The following ABCF2 variants were observed in gnomAD, a reference collection of about 807,000 sequenced individuals.
The protein encoded by ABCF2 is ATP binding cassette subfamily F member 2, also known as ATP-binding cassette sub-family F member 2.
In ABCF2, 37 loss-of-function variants were observed where a neutral mutation model predicts 76.9. The ratio of observed to expected loss-of-function variants is 0.48; its 90% CI spans 0.37 to 0.63. The LOEUF (loss-of-function observed/expected upper bound fraction) is 0.63, where lower values mean the gene tolerates loss of function less well. ABCF2 is among the 30% of genes least tolerant of loss of function. The probability of loss-of-function intolerance (pLI) is 0.00; values close to 1 mark genes in which losing one functional copy is unlikely to be tolerated. For missense variants in ABCF2, 524 were observed against 782.1 expected, an observed-to-expected ratio of 0.67 and a Z score of 3.94; for synonymous variants, 299 against 283.7, an observed-to-expected ratio of 1.05 and a Z score of -0.54.
intron 9 of ABCF2, 35 bp downstream of exon 9, chr7:151,218,719 C>T (rs373325837): frequency 1.9e-5 from 30 of 1,612,530 alleles, no homozygotes; most frequent in Non-Finnish European, 2.4e-5. Flanking sequence ...GCCACCCAAC[C>T]CCACCCAATC....
intron 7 of ABCF2, among the ~76,000 whole-genome samples, chr7:151,220,371 G>A (rs1321352780): frequency 4.4e-5 from 6 of 137,122 alleles, no homozygotes; most frequent in Non-Finnish European, 9.2e-5. Flanking sequence ...CCTGGCGACG[G>A]AGCAAGACTC....
rs1802051515 is a variant in ABCF2, at chr7:151,211,885, G to A, written c.*2169C>T. 1 of 985,318 alleles carries A rather than the reference G, an allele frequency of 1.0e-6. No individual in the cohort carries two copies. Among genetic ancestry groups the A allele is most frequent in the Non-Finnish European group, 1.2e-6 (1 of 829,950 alleles). 61.0% of individuals were successfully genotyped at this position (985,318 alleles called of 1,614,324 possible). A position where few individuals can be genotyped will look rare whatever the true frequency, so the allele number is the denominator to read the frequency against. On this transcript the variant is annotated 3_prime_UTR_variant, in exon 15 of 15. Coordinates refer to ENST00000287844, the MANE Select transcript of ABCF2 (RefSeq NM_007189.3). Reference sequence around the variant, plus strand: ...GTCTCAGCTGCAGTGTCTCACGGGAGGCTCCTGTCCCTGTTGCCCAGGGCA... The same window carrying A: ...GTCTCAGCTGCAGTGTCTCACGGGAAGCTCCTGTCCCTGTTGCCCAGGGCA...
intron 11 of ABCF2, among the ~76,000 whole-genome samples, chr7:151,217,566 C>T (rs753616979): frequency 2.6e-5 from 4 of 151,956 alleles, no homozygotes; most frequent in Non-Finnish European, 4.4e-5. Context: ...TTTGGGAGGC[C>T]GAGGTGGGCA....
At chr7:151,224,238 C>A in intron 3 of ABCF2, 124 bp from the exon 4 acceptor site, 1 of 889,942 alleles carries the variant, frequency 1.1e-6, no homozygotes, top group Non-Finnish European at 1.7e-6. Flanking sequence ...ACCTTTCTTC[C>A]CTTCATTCGT....
intron 6 of ABCF2, among the ~76,000 whole-genome samples, chr7:151,222,271 T>C (rs777167590): frequency 4.0e-5 from 6 of 151,588 alleles, no homozygotes; most frequent in African/African-American, 1.5e-4. Context: ...ATTTGAAATA[T>C]GGACAAAACC....
Position 151,218,779 on chromosome 7 carries a change from A to G in ABCF2, c.1112T>C (p.Leu371Pro). The G allele has an allele frequency of 6.2e-7, 1 of 1,613,380 alleles. No homozygotes were observed. The highest frequency in any genetic ancestry group is 2.2e-5 in the East Asian group (1 of 44,810). Residue 371 changes from leucine to proline, a missense_variant, in exon 9 of 15, where the codon CTG becomes CCG. Leu to Pro is a moderately conservative substitution (Grantham distance 98). Coordinates refer to ENST00000287844, the MANE Select transcript of ABCF2 (RefSeq NM_007189.3). ...KTLQKMMASG[L>P]TERVVSDKTL... is the part of the protein sequence containing the mutation. ...CTTATCGCTCACGACCCTCTCTGTC[A>G]GTCCTGATGCCATCATTTTCTGTAG...
At chr7:151,222,256 C>A (rs1472463616) in intron 6 of ABCF2, among the ~76,000 whole-genome samples, 4 of 151,546 alleles carry the variant, frequency 2.6e-5, no homozygotes, top group African/African-American at 9.7e-5. Flanking sequence ...TAATTAAGAT[C>A]TTGAATTTGA....
Position 151,211,486 on chromosome 7 carries a change from AT to A in ABCF2, c.*2567del. 1 of 974,594 alleles carries A rather than the reference AT, an allele frequency of 1.0e-6. No individual in the cohort carries two copies. The highest frequency in any genetic ancestry group is 1.1e-4 in the East Asian group (1 of 8,762). 60.4% of individuals were successfully genotyped at this position (974,594 alleles called of 1,614,324 possible). A position where few individuals can be genotyped will look rare whatever the true frequency, so the allele number is the denominator to read the frequency against. The stretch of plus-strand genomic sequence containing the variant: ...CTCAATCCAAAACAAGGCACTGCTA[AT>A]TTTAGAAATATGTATTTTGTGGACT... On this transcript the variant is annotated 3_prime_UTR_variant, in exon 15 of 15. Transcript: ENST00000287844.
chr7:151,216,518 T>C (rs1324333346), intron 11 of ABCF2, among the ~76,000 whole-genome samples: 1 of 152,204 alleles, frequency 6.6e-6, no homozygotes, highest in African/African-American at 2.4e-5. Flanking sequence ...AACTTCTAAA[T>C]AAAGATCCAA....
intron 7 of ABCF2, among the ~76,000 whole-genome samples, chr7:151,221,027 T>G (rs543914675): frequency 5.9e-5 from 9 of 152,334 alleles, no homozygotes; most frequent in African/African-American, 2.2e-4. Context: ...CTGGTCACCG[T>G]GAAAAGTCAA....
At position 151,214,769 on chromosome 7, in the gene ABCF2, C is replaced by G. The variant is rs937691420; in HGVS notation, c.1734+110G>C. On this transcript the variant is annotated intron_variant, in intron 14 of 14. Coordinates refer to ENST00000287844, the MANE Select transcript of ABCF2 (RefSeq NM_007189.3). The surrounding 1 kb of genome is among the most constrained non-coding windows in gnomAD (Gnocchi z 4.9). The stretch of plus-strand genomic sequence containing the variant: ...CACCACCTGTGTCTACACTCTGAGC[C>G]CCTTCTCTTAATTCAGTAGGCGGGT... The G allele has an allele frequency of 9.6e-7, 1 of 1,040,670 alleles. No individual in the cohort carries two copies. Among genetic ancestry groups the G allele is most frequent in the African/African-American group, 1.6e-5 (1 of 63,868 alleles). 64.5% of individuals were successfully genotyped at this position (1,040,670 alleles called of 1,614,324 possible).
At chr7:151,226,633 T>C in intron 1 of ABCF2, 133 bp from the exon 2 acceptor site, 1 of 662,072 alleles carries the variant, frequency 1.5e-6, no homozygotes, top group Non-Finnish European at 2.5e-6. Flanking sequence ...CCGCCTCGTC[T>C]GTTCCAACTT....
rs550729527 is a variant in ABCF2 at position 151,215,172 on chromosome 7, A to G, written c.1531-90T>C. The stretch of plus-strand genomic sequence containing the variant: ...TCCCTCATTTCTCCCTGACTCCTCC[A>G]TTAGCATCGCCATTTATAAAAAGTG... On this transcript the variant is annotated intron_variant, in intron 13 of 14. Coordinates refer to ENST00000287844, the MANE Select transcript of ABCF2 (RefSeq NM_007189.3). The surrounding 1 kb of genome is among the most constrained non-coding windows in gnomAD (Gnocchi z 4.6). 14 of 1,214,694 alleles carry G rather than the reference A, an allele frequency of 1.2e-5. No individual in the cohort carries two copies. Among genetic ancestry groups the G allele is most frequent in the African/African-American group, 4.5e-5 (3 of 66,524 alleles). 75.2% of individuals were successfully genotyped at this position (1,214,694 alleles called of 1,614,324 possible).
chr7:151,215,977 C>A lies in ABCF2; in HGVS notation c.1391G>T (p.Arg464Leu), dbSNP rs377263568. 1 of 1,613,988 alleles carries A rather than the reference C, an allele frequency of 6.2e-7. No individual in the cohort carries two copies. The highest frequency in any genetic ancestry group is 1.1e-5 in the South Asian group (1 of 91,086). Residue 464 changes from arginine to leucine, a missense_variant, in exon 12 of 15, where the codon CGT (arginine) becomes CTT (leucine). This residue lies in a region of ABCF2 where 194 missense variants were observed against 348.6 expected (regional missense o/e 0.56). Transcript: ENST00000287844. The surrounding 1 kb of genome is among the most constrained non-coding windows in gnomAD (Gnocchi z 4.6). Reference sequence around the variant, plus strand: ...ACCCCAGGCCTGTACCTGATGGTAACGCCCTATCTTGACATGAGAGTGTTT... The same window carrying A: ...ACCCCAGGCCTGTACCTGATGGTAAAGCCCTATCTTGACATGAGAGTGTTT... ...IRKHSHVKIG[R>L]YHQHLQEQLD...
chr7:151,214,810 C>T lies in ABCF2; in HGVS notation c.1734+69G>A. 1 of 1,479,890 alleles carries T rather than the reference C, an allele frequency of 6.8e-7. No individual in the cohort carries two copies. Among genetic ancestry groups the T allele is most frequent in the South Asian group, 1.1e-5 (1 of 87,504 alleles). The allele number at this position is 1,479,890 out of a possible 1,614,324, so 91.7% of individuals were successfully genotyped here. A position where few individuals can be genotyped will look rare whatever the true frequency, so the allele number is the denominator to read the frequency against. ...GTAGGCGGGTATTATGCACCCTCCA[C>T]ATGCCATGACTACCCTACCCAACCC... is the stretch of plus-strand genomic sequence containing the variant. On this transcript the variant is annotated intron_variant, in intron 14 of 14. Transcript: ENST00000287844. The surrounding 1 kb of genome is among the most constrained non-coding windows in gnomAD (Gnocchi z 4.9).
chr7:151,225,064 A>C (rs1223977473), intron 2 of ABCF2, 76 bp from the exon 3 acceptor site: 26 of 1,324,718 alleles, frequency 2.0e-5, no homozygotes, highest in Non-Finnish European at 3.2e-6. Flanking sequence ...GTCCTGAAGG[A>C]CCAGGCTCCA....
chr7:151,219,257 T>C, intron 7 of ABCF2, 98 bp from the exon 8 acceptor site: 3 of 1,036,324 alleles, frequency 2.9e-6, no homozygotes, highest in Non-Finnish European at 4.5e-6. Context: ...TGGCACTAAC[T>C]TGGCCCTGGC....
intron 6 of ABCF2, chr7:151,221,882 G>C: frequency 1.9e-6 from 1 of 518,666 alleles, no homozygotes; most frequent in Non-Finnish European, 3.5e-6. Context: ...TGGCGAGACA[G>C]CCTGAGTTTC....
In ABCF2 at chr7:151,215,513, C is replaced by G; in HGVS notation, c.1530+91G>C. The stretch of plus-strand genomic sequence containing the variant: ...AGGAGACTCTGGTTTGGACAGCTTC[C>G]AAACCCAGGCTGCCAGGACAGTATC... On this transcript the variant is annotated intron_variant, in intron 13 of 14. Coordinates refer to ENST00000287844, the MANE Select transcript of ABCF2 (RefSeq NM_007189.3). This position sits in a 1 kb window ranked among gnomAD's most constrained non-coding sequence, Gnocchi z 4.6. 6.5e-7 allele frequency: 1 copy of G among 1,540,354 alleles called. No individual in the cohort carries two copies. The highest frequency in any genetic ancestry group is 8.8e-7 in the Non-Finnish European group (1 of 1,134,408).
Sources: gnomAD v4.1 joint callset for allele counts (sites outside exome capture counted in the v4.1 genomes callset) on GRCh38, gnomAD v4.1.1 for gene constraint, gnomAD v4.1.1 regional missense constraint, Gnocchi (gnomAD v3.1) non-coding constraint, MANE v1.5 for transcripts, NCBI Gene and HGNC (gene_info 2026-07-23, HGNC 2026-07-21) for gene names.